Variants in ZFR observed in about 807,000 individuals in gnomAD.
The protein encoded by ZFR is zinc finger RNA binding protein.
In ZFR, 19 loss-of-function variants were observed where a neutral mutation model predicts 130.7. The ratio of observed to expected loss-of-function variants is 0.15; its 90% CI spans 0.10 to 0.21. The LOEUF is 0.21. Ranked by LOEUF, ZFR falls within the 10% of genes least tolerant of loss-of-function variation. The pLI is 1.00. For missense variants in ZFR, 872 were observed against 1,321.5 expected (o/e 0.66, Z 5.27); for synonymous variants, 466 against 456.9 (o/e 1.02, Z -0.25).
chr5:32,380,650 CTTTTTTTTTTT>C (rs55724344), intron 15 of ZFR, among the ~76,000 whole-genome samples: 1 of 97,070 alleles, frequency 1.0e-5, no homozygotes, highest in Non-Finnish European at 2.0e-5. Flanking sequence ...ACAGGCATTT[CTTTTTTTTTTT>C]TTTTTTTTTT....
In ZFR at chr5:32,403,213, G is replaced by A. The variant is rs200856482; in HGVS notation, c.1409C>T (p.Thr470Met). 2.3e-4 allele frequency: 366 copies of A among 1,614,198 alleles called. 9 individuals carry two copies. The South Asian group carries it at 3.3e-3, about 15-fold the overall frequency. Reference protein sequence around the residue: ...SVATSSMKGLTTTGNSSLNST... With the variant: ...SVATSSMKGLMTTGNSSLNST... ...ATTAAGAGACGAGTTTCCTGTAGTC[G>A]TAAGACCCTTCATTGAAGACGTTGC... The change falls in exon 8 of 20, where the codon ACG becomes ATG. Residue 470 changes from threonine (T) to methionine (M), a missense_variant. Around this residue, in one of 7 missense-constraint regions of ZFR, gnomAD observed 143 missense variants for 137.9 expected, o/e 1.04. Coordinates refer to ENST00000265069, the MANE Select transcript of ZFR (RefSeq NM_016107.5).
rs1415967213 is a variant in ZFR, at chr5:32,403,768, GTAT to G, written c.1224+135_1224+137del. The G allele has an allele frequency of 1.3e-5, 9 of 707,422 alleles. No individual in the cohort carries two copies. In the African/African-American group the frequency reaches 1.6e-4, roughly 13 times the overall value. The allele number at this position is 707,422 out of a possible 1,614,324, so 43.8% of individuals were successfully genotyped here. The stretch of plus-strand genomic sequence containing the variant: ...AATGATTATTTGATGTCACCTTTAT[GTAT>G]TATTAGCACATAAGCAAGGCTTATA... On this transcript the variant is annotated intron_variant, in intron 7 of 19. Coordinates refer to ENST00000265069, the MANE Select transcript of ZFR (RefSeq NM_016107.5).
intron 15 of ZFR, among the ~76,000 whole-genome samples, chr5:32,384,994 C>T (rs1420275052): frequency 6.6e-6 from 1 of 152,058 alleles, no homozygotes; most frequent in African/African-American, 2.4e-5. Context: ...CCTCAGAGAA[C>T]TAGAAATATT....
At chr5:32,415,523 C>CGCGCGCGCGCGCGT in intron 4 of ZFR, among the ~76,000 whole-genome samples, 1 of 132,106 alleles carries the variant, frequency 7.6e-6, no homozygotes, top group East Asian at 2.2e-4. Flanking sequence ...TGTGCGCGCG[C>CGCGCGCGCGCGCGT]GCGCGCGCGC....
In ZFR at chr5:32,385,497, G is replaced by A. The variant is rs770989094; in HGVS notation, c.2641+11C>T. On this transcript the variant is annotated intron_variant, in intron 15 of 19. Transcript: ENST00000265069. ...GTTAATAGAAAGTAGAAAGTTTAATGGCTTTCCAACCTCCTTCCCTCATGT... is the reference window on the plus strand; with the variant it reads ...GTTAATAGAAAGTAGAAAGTTTAATAGCTTTCCAACCTCCTTCCCTCATGT... 6.2e-7 allele frequency: 1 copy of A among 1,611,020 alleles called. No homozygotes were observed. The highest frequency in any genetic ancestry group is 8.5e-7 in the Non-Finnish European group (1 of 1,178,428).
At chr5:32,434,383 A>T (rs868292682) in intron 2 of ZFR, among the ~76,000 whole-genome samples, 47 of 152,336 alleles carry the variant, frequency 3.1e-4, no homozygotes, top group Middle Eastern at 6.8e-3. Context: ...GATAATTGGG[A>T]AACATTTTCC....
At chr5:32,382,224 T>C (rs1043387389) in intron 15 of ZFR, among the ~76,000 whole-genome samples, 1 of 152,082 alleles carries the variant, frequency 6.6e-6, no homozygotes, top group Non-Finnish European at 1.5e-5. Flanking sequence ...GGCATGAGAA[T>C]TGCTTGAACC....
chr5:32,360,243 C>T (rs113419868), intron 19 of ZFR, among the ~76,000 whole-genome samples: 2,855 of 152,218 alleles, frequency 0.019, 84 homozygotes, highest in African/African-American at 0.066. Context: ...AATTCACATA[C>T]CTTTAAAATA....
intron 2 of ZFR, among the ~76,000 whole-genome samples, chr5:32,434,236 A>T (rs1297175000): frequency 6.6e-6 from 1 of 152,228 alleles, no homozygotes; most frequent in Non-Finnish European, 1.5e-5. Flanking sequence ...TGTATTATGT[A>T]TTGATTCTTC....
At chr5:32,393,795 T>C (rs1311072112) in intron 11 of ZFR, among the ~76,000 whole-genome samples, 2 of 152,182 alleles carry the variant, frequency 1.3e-5, no homozygotes, top group Non-Finnish European at 2.9e-5. Flanking sequence ...GTGAGCATCC[T>C]TCAAACATTT....
At chr5:32,396,876 T>C (rs1162380118) in intron 10 of ZFR, among the ~76,000 whole-genome samples, 1 of 152,200 alleles carries the variant, frequency 6.6e-6, no homozygotes, top group African/African-American at 2.4e-5. Flanking sequence ...TTCATTTTGG[T>C]GGGAATTCTA....
intron 5 of ZFR, among the ~76,000 whole-genome samples, chr5:32,412,203 A>C (rs1183499896): frequency 6.6e-6 from 1 of 152,218 alleles, no homozygotes; most frequent in Non-Finnish European, 1.5e-5. Flanking sequence ...CACAGCTTTA[A>C]CCAGTAAAGC....
chr5:32,388,459 C>G lies in ZFR; in HGVS notation c.2348+10G>C. 6.2e-7 allele frequency: 1 copy of G among 1,611,604 alleles called. No homozygotes were observed. The highest frequency in any genetic ancestry group is 8.5e-7 in the Non-Finnish European group (1 of 1,178,540). ...AAAATTACACATGGTAAATAACTTT[C>G]AAAACACACCTGTCTTTACCTCCCT... On this transcript the variant is annotated intron_variant, in intron 13 of 19. Coordinates refer to ENST00000265069, the MANE Select transcript of ZFR (RefSeq NM_016107.5).
intron 7 of ZFR, 150 bp downstream of exon 7, chr5:32,403,756 T>C: frequency 1.5e-6 from 1 of 660,136 alleles, no homozygotes; most frequent in Non-Finnish European, 2.4e-6. Context: ...GATTATTTGA[T>C]GTCACCTTTA....
intron 17 of ZFR, 116 bp downstream of exon 17, chr5:32,378,999 A>G: frequency 1.4e-6 from 1 of 727,436 alleles, no homozygotes; most frequent in Non-Finnish European, 2.2e-6. Flanking sequence ...ATCAGAAAAG[A>G]AAAACTATAT....
intron 17 of ZFR, among the ~76,000 whole-genome samples, chr5:32,373,946 T>C (rs904308181): frequency 1.3e-5 from 2 of 152,176 alleles, no homozygotes; most frequent in African/African-American, 4.8e-5. Flanking sequence ...CTTACGGCTC[T>C]CTACCCTCAA....
chr5:32,407,941 CAAT>C (rs573396438), intron 5 of ZFR, among the ~76,000 whole-genome samples: 22 of 152,218 alleles, frequency 1.4e-4, no homozygotes, highest in African/African-American at 5.3e-4. Flanking sequence ...TGTTTTCCTA[CAAT>C]GCTTTTTATA....
At chr5:32,359,947 G>GAA (rs763208305) in intron 19 of ZFR, among the ~76,000 whole-genome samples, 3 of 123,942 alleles carry the variant, frequency 2.4e-5, no homozygotes, top group Non-Finnish European at 5.2e-5. Flanking sequence ...CCGTCTTAAG[G>GAA]AAAAAAAAAA....
chr5:32,394,851 T>C (rs1421741481), intron 11 of ZFR, among the ~76,000 whole-genome samples: 1 of 152,196 alleles, frequency 6.6e-6, no homozygotes, highest in Non-Finnish European at 1.5e-5. Flanking sequence ...TATCAGGAAA[T>C]GTATGTCTAT....
Sources: gnomAD v4.1 joint callset for allele counts (sites outside exome capture counted in the v4.1 genomes callset) on GRCh38, gnomAD v4.1.1 for gene constraint, gnomAD v4.1.1 regional missense constraint, MANE v1.5 for transcripts, NCBI Gene and HGNC (gene_info 2026-07-23, HGNC 2026-07-21) for gene names.